Variants in APOL4 observed in about 807,000 individuals in gnomAD.
APOL4 encodes apolipoprotein L4, also known as apolipoprotein L, 4.
Under a neutral mutation model 12.1 loss-of-function variants are expected in APOL4, and 14 were observed. That is an observed-to-expected ratio of 1.16 (90% confidence interval 0.76 to 1.81). The LOEUF (loss-of-function observed/expected upper bound fraction) is 1.81, where lower values mean the gene tolerates loss of function less well. Ranked by LOEUF, APOL4 falls within the 40% of genes most tolerant of loss-of-function variation. The probability of loss-of-function intolerance (pLI) is 0.00; values close to 1 mark genes in which losing one functional copy is unlikely to be tolerated. For missense variants in APOL4, 432 were observed against 423.1 expected, an observed-to-expected ratio of 1.02 and a Z score of -0.18; for synonymous variants, 171 against 160.6, an observed-to-expected ratio of 1.06 and a Z score of -0.49.
chr22:36,195,298 C>A lies in APOL4; in HGVS notation c.209+13G>T, dbSNP rs1569531190. The A allele has an allele frequency of 6.2e-7, 1 of 1,612,990 alleles. No individual in the cohort carries two copies. The highest frequency in any genetic ancestry group is 8.5e-7 in the Non-Finnish European group (1 of 1,179,332). ...ACCGGGGTGCCCCAAGGAGGTAACCCCATGGAGGTTACCTGGGCAATTCAG... is the reference window on the plus strand; with the variant it reads ...ACCGGGGTGCCCCAAGGAGGTAACCACATGGAGGTTACCTGGGCAATTCAG... On this transcript the variant is annotated intron_variant, in intron 3 of 3. Coordinates refer to ENST00000683024, the MANE Select transcript of APOL4 (RefSeq NM_001386885.1).
chr22:36,202,058 T>C (rs373303899), upstream of APOL4: 15 of 1,613,856 alleles, frequency 9.3e-6, no homozygotes, highest in African/African-American at 1.2e-4. Flanking sequence ...GCCTCCTCCT[T>C]GGGCAGGAAA....
At chr22:36,202,016 C>T, upstream of APOL4, 2 of 1,614,156 alleles carry the variant, frequency 1.2e-6, no homozygotes, top group Non-Finnish European at 1.7e-6. Flanking sequence ...CAAAGATTTT[C>T]AGCAAAGCAG....
At chr22:36,201,190 G>A (rs1354274487) in intron 1 of APOL4, among the ~76,000 whole-genome samples, 4 of 150,622 alleles carry the variant, frequency 2.7e-5, no homozygotes, top group African/African-American at 4.9e-5. Flanking sequence ...AGTTAGGGGC[G>A]GCTCCAAGCA....
chr22:36,192,029 A>G (rs1360323739), intron 3 of APOL4, 117 bp from the exon 4 acceptor site: 7 of 994,324 alleles, frequency 7.0e-6, no homozygotes, highest in Non-Finnish European at 8.7e-6. Context: ...AATGGAAGTA[A>G]AGTTCTAAAA....
At position 36,195,292 on chromosome 22, in the gene APOL4, G is replaced by A; in HGVS notation, c.209+19C>T. 6.2e-7 allele frequency: 1 copy of A among 1,611,762 alleles called. No homozygotes were observed. ...GGCATCACCGGGGTGCCCCAAGGAG[G>A]TAACCCCATGGAGGTTACCTGGGCA... On this transcript the variant is annotated intron_variant, in intron 3 of 3. Coordinates refer to ENST00000683024, the MANE Select transcript of APOL4 (RefSeq NM_001386885.1).
chr22:36,200,837 A>G (rs2014549630), intron 1 of APOL4, among the ~76,000 whole-genome samples: 1 of 152,204 alleles, frequency 6.6e-6, no homozygotes, highest in Non-Finnish European at 1.5e-5. Context: ...TATATACACA[A>G]CATGTAAATT....
chr22:36,192,327 G>A (rs967103355), intron 3 of APOL4, among the ~76,000 whole-genome samples: 3 of 152,178 alleles, frequency 2.0e-5, no homozygotes, highest in African/African-American at 4.8e-5. Flanking sequence ...GCGACAGAGC[G>A]AGACTCCATC....
upstream of APOL4, chr22:36,204,689 CA>C: frequency 1.6e-6 from 1 of 622,670 alleles, no homozygotes; most frequent in Non-Finnish European, 2.5e-6. Context: ...GTGTGGATCT[CA>C]CCTCCAGCTG....
chr22:36,192,297 G>A (rs372623338), intron 3 of APOL4, among the ~76,000 whole-genome samples: 16 of 152,064 alleles, frequency 1.1e-4, no homozygotes, highest in South Asian at 6.2e-4. Context: ...CCGAGATCGC[G>A]CCACTGCACT....
intron 3 of APOL4, among the ~76,000 whole-genome samples, chr22:36,193,546 T>C (rs1238751097): frequency 6.6e-6 from 1 of 152,196 alleles, no homozygotes; most frequent in Non-Finnish European, 1.5e-5. Context: ...AATCGTGCAA[T>C]AACAGTTATC....
chr22:36,191,591 T>C lies in APOL4; in HGVS notation c.531A>G (p.Ile177Met), dbSNP rs1282350307. The change falls in exon 4 of 4, where the codon ATA becomes ATG. Residue 177 changes from isoleucine to methionine, a missense_variant. Ile to Met is a conservative substitution (Grantham distance 10, BLOSUM62 1). Coordinates refer to ENST00000683024, the MANE Select transcript of APOL4 (RefSeq NM_001386885.1). ...SITAAGVGLG[I>M]ASATAGIASS... is the part of the protein sequence containing the mutation. Reference sequence around the variant, plus strand: ...AGGCGATCCCAGCCGTGGCAGATGCTATTCCCAGCCCTACCCCAGCTGCAG... The same window carrying C: ...AGGCGATCCCAGCCGTGGCAGATGCCATTCCCAGCCCTACCCCAGCTGCAG... 1.2e-6 allele frequency: 2 copies of C among 1,613,646 alleles called. No individual in the cohort carries two copies. Among genetic ancestry groups the C allele is most frequent in the Middle Eastern group, 1.6e-4 (1 of 6,062 alleles).
intron 2 of APOL4, chr22:36,197,869 T>C: frequency 6.5e-7 from 1 of 1,529,796 alleles, no homozygotes; most frequent in Non-Finnish European, 8.8e-7. Flanking sequence ...CTAAGACCAG[T>C]AAGATCTAAC....
chr22:36,192,174 A>T (rs1293955242), intron 3 of APOL4, among the ~76,000 whole-genome samples: 2 of 152,142 alleles, frequency 1.3e-5, no homozygotes, highest in Admixed American at 6.5e-5. Flanking sequence ...CCCCGTCTCT[A>T]CTAAAAATAC....
At chr22:36,193,318 C>G (rs938483156) in intron 3 of APOL4, among the ~76,000 whole-genome samples, 12 of 152,170 alleles carry the variant, frequency 7.9e-5, no homozygotes, top group Admixed American at 5.2e-4. Flanking sequence ...AACAACAATC[C>G]TGAATAAAGG....
At chr22:36,197,282 G>C (rs1005886763) in intron 2 of APOL4, among the ~76,000 whole-genome samples, 3 of 152,228 alleles carry the variant, frequency 2.0e-5, no homozygotes, top group African/African-American at 7.2e-5. Flanking sequence ...CCCCTGAGCA[G>C]AGCTGACTTG....
chr22:36,199,732 T>A, intron 1 of APOL4: 2 of 1,288,316 alleles, frequency 1.6e-6, no homozygotes, highest in Non-Finnish European at 2.1e-6. Flanking sequence ...CGGAAACATG[T>A]GTGACAACTA....
At chr22:36,199,957 G>A (rs183655831) in intron 1 of APOL4, among the ~76,000 whole-genome samples, 22 of 152,282 alleles carry the variant, frequency 1.4e-4, no homozygotes, top group African/African-American at 3.9e-4. Context: ...ACAGGTGCCC[G>A]TCGCCACATT....
chr22:36,200,030 A>G (rs558360238), intron 1 of APOL4, among the ~76,000 whole-genome samples: 1 of 151,896 alleles, frequency 6.6e-6, no homozygotes, highest in Admixed American at 6.6e-5. Flanking sequence ...GATGGTCTCG[A>G]TCTCCTGACC....
At position 36,191,317 on chromosome 22, in the gene APOL4, C is replaced by G; in HGVS notation, c.805G>C (p.Val269Leu). 1.9e-6 allele frequency: 3 copies of G among 1,614,084 alleles called. No individual in the cohort carries two copies. Among genetic ancestry groups the G allele is most frequent in the Non-Finnish European group, 2.5e-6 (3 of 1,179,912 alleles). Reference sequence around the variant, plus strand: ...GCCCCACGTGTTCTCAGTGTCTCAACAACATTTATAGGTACATATCGCCAA... The same window carrying G: ...GCCCCACGTGTTCTCAGTGTCTCAAGAACATTTATAGGTACATATCGCCAA... Reference protein sequence around the residue: ...IAWRYVPINVVETLRTRGAPT... With the variant: ...IAWRYVPINVLETLRTRGAPT... Residue 269 changes from valine (V) to leucine (L), a missense_variant, in exon 4 of 4, where the codon GTT becomes CTT. By Grantham distance (32) the Val-to-Leu change is conservative. Coordinates refer to ENST00000683024, the MANE Select transcript of APOL4 (RefSeq NM_001386885.1).
Sources: gnomAD v4.1 joint callset for allele counts (sites outside exome capture counted in the v4.1 genomes callset) on GRCh38, gnomAD v4.1.1 for gene constraint, MANE v1.5 for transcripts, NCBI Gene and HGNC (gene_info 2026-07-23, HGNC 2026-07-21) for gene names.